ERAP1: variants seen among roughly 807,000 people sequenced by gnomAD.
ERAP1 encodes the protein adipocyte-derived leucine aminopeptidase.
Under a neutral mutation model 103.7 loss-of-function variants are expected in ERAP1, and 86 were observed. That is an observed-to-expected ratio of 0.83 (90% CI 0.70 to 0.99). The LOEUF (loss-of-function observed/expected upper bound fraction) is 0.99, where lower values mean the gene tolerates loss of function less well. Among genes scored for constraint, ERAP1 ranks in the 50% least tolerant of loss-of-function variants. ERAP1 has a pLI of 0.00. For missense variants in ERAP1, 1,009 were observed against 1,128.4 expected, an observed-to-expected ratio of 0.89 and a Z score of 1.52; for synonymous variants, 398 against 402.4, an observed-to-expected ratio of 0.99 and a Z score of 0.13.
chr5:96,824,019 G>A, the ERAP1 span, among the ~76,000 whole-genome samples: 1 of 152,202 alleles, frequency 6.6e-6, no homozygotes, highest in Non-Finnish European at 1.5e-5. Context: ...GATATGCTGG[G>A]CAACGTGATG....
At chr5:96,846,759 A>T in the ERAP1 span, among the ~76,000 whole-genome samples, 1 of 152,064 alleles carries the variant, frequency 6.6e-6, no homozygotes, top group Non-Finnish European at 1.5e-5. Flanking sequence ...AAAAGATGCA[A>T]AAAAGTATAA....
At chr5:96,892,358 T>G in the ERAP1 span, 1 of 1,614,056 alleles carries the variant, frequency 6.2e-7, no homozygotes, top group Non-Finnish European at 8.5e-7. Flanking sequence ...CCTCATTACA[T>G]ATAGGGAGAC....
chr5:96,788,818 T>G, intron 10 of ERAP1, 133 bp from the exon 11 acceptor site: 4 of 1,086,098 alleles, frequency 3.7e-6, no homozygotes, highest in Non-Finnish European at 5.4e-6. Context: ...TCTGATCCCT[T>G]TCTCAGTGTG....
the ERAP1 span, among the ~76,000 whole-genome samples, chr5:96,894,239 AATC>A: frequency 2.0e-5 from 3 of 152,214 alleles, no homozygotes; most frequent in Non-Finnish European, 2.9e-5. Flanking sequence ...AAGTGGCTAG[AATC>A]AGTTTATCCT....
At chr5:96,896,863 T>G in the ERAP1 span, 1 of 1,578,610 alleles carries the variant, frequency 6.3e-7, no homozygotes, top group Non-Finnish European at 8.6e-7. Flanking sequence ...GTCTGTCAAA[T>G]GTAAGTCATA....
chr5:96,867,319 T>C, the ERAP1 span, among the ~76,000 whole-genome samples: 1 of 152,132 alleles, frequency 6.6e-6, no homozygotes, highest in African/African-American at 2.4e-5. Flanking sequence ...TCCCTGAGAT[T>C]ATACCCTGTG....
chr5:96,793,742 G>T, intron 6 of ERAP1, 61 bp downstream of exon 6: 1 of 1,421,362 alleles, frequency 7.0e-7, no homozygotes, highest in Non-Finnish European at 9.7e-7. Context: ...AGCCTTATAT[G>T]TCCCATAGAA....
At chr5:96,825,487 C>T in the ERAP1 span, among the ~76,000 whole-genome samples, 1 of 152,180 alleles carries the variant, frequency 6.6e-6, no homozygotes, top group South Asian at 2.1e-4. Context: ...CTATAAATGT[C>T]AATTAGATCC....
At chr5:96,906,515 G>C in the ERAP1 span, among the ~76,000 whole-genome samples, 1 of 152,160 alleles carries the variant, frequency 6.6e-6, no homozygotes, top group Non-Finnish European at 1.5e-5. Context: ...CAATCCTCCT[G>C]CCTCGGCTTC....
chr5:96,906,932 G>A, the ERAP1 span, among the ~76,000 whole-genome samples: 1 of 152,182 alleles, frequency 6.6e-6, no homozygotes, highest in African/African-American at 2.4e-5. Flanking sequence ...GGAGGCTGAG[G>A]CAGGAGAATC....
chr5:96,800,413 TCA>T (rs1777851643), intron 3 of ERAP1, among the ~76,000 whole-genome samples: 1 of 152,242 alleles, frequency 6.6e-6, no homozygotes, highest in Non-Finnish European at 1.5e-5. Flanking sequence ...TTTTGTACAT[TCA>T]GTTACAAATT....
intron 15 of ERAP1, among the ~76,000 whole-genome samples, chr5:96,782,159 C>G (rs62364747): frequency 0.029 from 4,417 of 151,866 alleles, 100 homozygotes; most frequent in Non-Finnish European, 0.047. Context: ...TACAGGCGCC[C>G]GCCACCATGC....
the ERAP1 span, among the ~76,000 whole-genome samples, chr5:96,865,561 T>C: frequency 1.3e-5 from 2 of 152,220 alleles, no homozygotes; most frequent in Non-Finnish European, 2.9e-5. Context: ...GGTTTTGTTT[T>C]CTAAATTGGT....
In ERAP1 at chr5:96,807,913, C is replaced by G. The variant is rs1330822769; in HGVS notation, c.-71G>C. ...GCGCCGCCGCCACCACCACTGCCGC[C>G]GGCCTAGCTCCCCCAGGACCGAAAG... is the stretch of plus-strand genomic sequence containing the variant. On this transcript the variant is annotated 5_prime_UTR_variant, in exon 1 of 19. Coordinates refer to ENST00000443439, the MANE Select transcript of ERAP1 (RefSeq NM_001040458.3). 1.0e-6 allele frequency: 1 copy of G among 986,188 alleles called. No homozygotes were observed. Among genetic ancestry groups the G allele is most frequent in the African/African-American group, 1.7e-5 (1 of 57,264 alleles). The allele number at this position is 986,188 out of a possible 1,614,324, so 61.1% of individuals were successfully genotyped here. A position where few individuals can be genotyped will look rare whatever the true frequency, so the allele number is the denominator to read the frequency against.
At chr5:96,772,270 C>T (rs925065404), downstream of ERAP1, 2 of 153,618 alleles carry the variant, frequency 1.3e-5, no homozygotes, top group African/African-American at 4.8e-5. Context: ...GAAGGGATTT[C>T]TGAGATCTTC....
the ERAP1 span, among the ~76,000 whole-genome samples, chr5:96,855,086 GA>G: frequency 6.6e-6 from 1 of 152,122 alleles, no homozygotes; most frequent in Non-Finnish European, 1.5e-5. Flanking sequence ...CTATTAGTAA[GA>G]AAGCTTGACT....
the ERAP1 span, among the ~76,000 whole-genome samples, chr5:96,820,632 T>A: frequency 1.3e-5 from 2 of 152,230 alleles, no homozygotes; most frequent in South Asian, 4.1e-4. Flanking sequence ...TTTCTTTCAT[T>A]TGTCTTTTTT....
chr5:96,762,368 C>G (rs1189984502), exon 20 of ERAP1: 1 of 1,588,182 alleles, frequency 6.3e-7, no homozygotes, highest in South Asian at 1.2e-5. Flanking sequence ...CCCCGTGATA[C>G]CTCGGTAAGC....
the ERAP1 span, among the ~76,000 whole-genome samples, chr5:96,818,267 C>T: frequency 2.5e-3 from 380 of 152,240 alleles, no homozygotes; most frequent in Admixed American, 5.3e-3. Flanking sequence ...CAACACACCT[C>T]CCTTTCCTCC....
Sources: gnomAD v4.1 joint callset for allele counts (sites outside exome capture counted in the v4.1 genomes callset) on GRCh38, gnomAD v4.1.1 for gene constraint, MANE v1.5 for transcripts, NCBI Gene and HGNC (gene_info 2026-07-23, HGNC 2026-07-21) for gene names.